Variants in PDS5B observed in about 807,000 individuals in gnomAD.
PDS5B encodes the protein PDS5 cohesin associated factor B, also known as sister chromatid cohesion protein PDS5 homolog B.
In PDS5B, 51 loss-of-function variants were observed where a neutral mutation model predicts 184.1. That is an observed-to-expected ratio of 0.28 (90% CI 0.22 to 0.35). The LOEUF (loss-of-function observed/expected upper bound fraction) is 0.35, where lower values mean the gene tolerates loss of function less well. Ranked by LOEUF, PDS5B falls within the 10% of genes least tolerant of loss-of-function variation. PDS5B has a pLI of 1.00. For missense variants in PDS5B, 1,180 were observed against 1,723.3 expected (o/e 0.68, Z 5.58); for synonymous variants, 566 against 569.2 (o/e 0.99, Z 0.08).
chr13:32,679,277 AT>A (rs1327048429), intron 10 of PDS5B, among the ~76,000 whole-genome samples: 2 of 152,194 alleles, frequency 1.3e-5, no homozygotes, highest in Non-Finnish European at 2.9e-5. Flanking sequence ...AATGTCTAAA[AT>A]AAGTTTAGAA....
intron 20 of PDS5B, among the ~76,000 whole-genome samples, chr13:32,733,629 T>C (rs1307028365): frequency 6.6e-6 from 1 of 152,166 alleles, no homozygotes; most frequent in Non-Finnish European, 1.5e-5. Context: ...AGCCTACAAT[T>C]CTTGGTGTTC....
At chr13:32,706,235 G>C (rs993172049) in intron 17 of PDS5B, among the ~76,000 whole-genome samples, 1 of 151,540 alleles carries the variant, frequency 6.6e-6, no homozygotes, top group Non-Finnish European at 1.5e-5. Context: ...CCGAGATCAC[G>C]CCACTGCACT....
At chr13:32,675,624 A>C (rs886278894) in intron 8 of PDS5B, among the ~76,000 whole-genome samples, 1 of 152,222 alleles carries the variant, frequency 6.6e-6, no homozygotes, top group Admixed American at 6.5e-5. Context: ...TATTTTCATG[A>C]AAGGTACTTC....
chr13:32,597,850 A>G (rs2057903907), intron 1 of PDS5B, among the ~76,000 whole-genome samples: 1 of 152,006 alleles, frequency 6.6e-6, no homozygotes, highest in Non-Finnish European at 1.5e-5. Context: ...TCTCAAAAAA[A>G]AAAAAAAGAA....
rs1235631954 is a variant in PDS5B at position 32,709,239 on chromosome 13, AG to A, written c.1963-704del. Among the ~76,000 whole-genome samples, 15 of 151,894 alleles carry A rather than the reference AG, an allele frequency of 9.9e-5. 1 individual carries two copies. Reference sequence around the variant, plus strand: ...CTTTAAAAAACCCTATCTTATACAGAGGGTTTTTGTTGTTTTTATTTTTTAA... The same window carrying A: ...CTTTAAAAAACCCTATCTTATACAGAGGTTTTTGTTGTTTTTATTTTTTAA... On this transcript the variant is annotated intron_variant, in intron 18 of 34. Transcript: ENST00000315596.
intron 7 of PDS5B, 135 bp from the exon 8 acceptor site, chr13:32,673,078 TATA>T: frequency 1.4e-6 from 1 of 727,256 alleles, no homozygotes; most frequent in South Asian, 1.6e-5. Context: ...TGGTTTCCCA[TATA>T]ATGTTAGAAA....
At chr13:32,688,655 T>C (rs1471059380) in intron 13 of PDS5B, 86 bp downstream of exon 13, 1 of 825,404 alleles carries the variant, frequency 1.2e-6, no homozygotes, top group East Asian at 2.5e-5. Context: ...CACCTGTATT[T>C]TAAAATGTAA....
chr13:32,655,374 A>ATATATATATATATATTTTTTTTTTTTTT, intron 3 of PDS5B, among the ~76,000 whole-genome samples: 1 of 72,484 alleles, frequency 1.4e-5, no homozygotes, highest in Non-Finnish European at 2.2e-5. Context: ...ATATATATAT[A>ATATATATATATATATTTTTTTTTTTTTT]TTTTTTTTTT....
At position 32,761,482 on chromosome 13, in the gene PDS5B, C is replaced by G. The variant is rs530323286; in HGVS notation, c.3518+762C>G. ...CCCACATCCTCCTTTCTCCAGCTCC[C>G]CCAGTAGTCCGCATTGTCTGTTGTT... On this transcript the variant is annotated intron_variant, in intron 30 of 34. Coordinates refer to ENST00000315596, the MANE Select transcript of PDS5B (RefSeq NM_015032.4). Among the ~76,000 whole-genome samples the G allele has an allele frequency of 7.4e-4, 112 of 152,186 alleles. 3 individuals are homozygous for G. In the South Asian group the frequency reaches 0.023, roughly 31 times the overall value.
chr13:32,715,481 T>C (rs1952351056), intron 19 of PDS5B, among the ~76,000 whole-genome samples: 1 of 152,244 alleles, frequency 6.6e-6, no homozygotes, highest in Non-Finnish European at 1.5e-5. Flanking sequence ...ATTTAACTTT[T>C]AGATATGGCT....
At chr13:32,665,334 G>A (rs1283463166) in intron 6 of PDS5B, among the ~76,000 whole-genome samples, 1 of 152,064 alleles carries the variant, frequency 6.6e-6, no homozygotes, top group African/African-American at 2.4e-5. Context: ...GCTCAAGTCT[G>A]TAATCCCAGC....
intron 1 of PDS5B, among the ~76,000 whole-genome samples, chr13:32,639,844 A>G (rs1043531024): frequency 1.3e-5 from 2 of 152,228 alleles, no homozygotes; most frequent in African/African-American, 4.8e-5. Context: ...AACAGCTTTA[A>G]ATTAACATGG....
At chr13:32,754,601 A>G (rs1197186931) in intron 25 of PDS5B, among the ~76,000 whole-genome samples, 1 of 151,784 alleles carries the variant, frequency 6.6e-6, no homozygotes. Context: ...TTCCTTCCTT[A>G]CGCTGGAAAA....
chr13:32,738,835 C>G (rs1201952725), intron 21 of PDS5B, among the ~76,000 whole-genome samples: 3 of 152,100 alleles, frequency 2.0e-5, no homozygotes, highest in Middle Eastern at 3.4e-3. Flanking sequence ...CCATGTCCAC[C>G]TAGTTTTTGT....
At chr13:32,698,578 G>T (rs1267252309) in intron 15 of PDS5B, among the ~76,000 whole-genome samples, 3 of 152,034 alleles carry the variant, frequency 2.0e-5, no homozygotes, top group Non-Finnish European at 4.4e-5. Context: ...TCATACAGAA[G>T]TATTTAGGAG....
At chr13:32,701,550 GTACTCCTCTGTATA>G (rs1473267590) in intron 17 of PDS5B, 112 bp downstream of exon 17, 6 of 619,218 alleles carry the variant, frequency 9.7e-6, no homozygotes, top group South Asian at 7.7e-5. Flanking sequence ...TGTGTATTGT[GTACTCCTCTGTATA>G]TACTCCTCTG....
At chr13:32,610,286 A>G (rs958802143) in intron 1 of PDS5B, among the ~76,000 whole-genome samples, 3 of 152,252 alleles carry the variant, frequency 2.0e-5, no homozygotes, top group Admixed American at 2.0e-4. Context: ...AAGAAAGTGC[A>G]TAATAAGTTA....
chr13:32,766,034 T>C (rs1469552410), intron 31 of PDS5B, among the ~76,000 whole-genome samples: 6 of 152,274 alleles, frequency 3.9e-5, no homozygotes, highest in Non-Finnish European at 7.3e-5. Context: ...AATCTTGTTA[T>C]CTGGATTTAC....
intron 1 of PDS5B, among the ~76,000 whole-genome samples, chr13:32,644,938 A>G (rs1486395477): frequency 6.6e-6 from 1 of 152,048 alleles, no homozygotes; most frequent in African/African-American, 2.4e-5. Context: ...TGGTTTCCTA[A>G]TATTTTGTTT....
Sources: gnomAD v4.1 joint callset for allele counts (sites outside exome capture counted in the v4.1 genomes callset) on GRCh38, gnomAD v4.1.1 for gene constraint, MANE v1.5 for transcripts, NCBI Gene and HGNC (gene_info 2026-07-23, HGNC 2026-07-21) for gene names.